Variants in KPNA6 observed in about 807,000 individuals in gnomAD.
KPNA6 encodes the protein importin subunit alpha-7.
A neutral mutation model predicts 72.0 loss-of-function variants in KPNA6; 9 were observed. The ratio of observed to expected loss-of-function variants is 0.13; its 90% confidence interval spans 0.08 to 0.22. The LOEUF is 0.22. KPNA6 is among the 10% of genes least tolerant of loss of function. The pLI, the probability that KPNA6 is intolerant of heterozygous loss-of-function variation, is 1.00. For missense variants in KPNA6, 374 were observed against 655.7 expected (o/e 0.57, Z 4.69); for synonymous variants, 219 against 242.1 (o/e 0.90, Z 0.89).
intron 6 of KPNA6, among the ~76,000 whole-genome samples, chr1:32,159,928 AT>A (rs1336176864): frequency 6.6e-6 from 1 of 152,232 alleles, no homozygotes; most frequent in African/African-American, 2.4e-5. Context: ...CATTTCTCCC[AT>A]TGAATTCTTA....
intron 1 of KPNA6, among the ~76,000 whole-genome samples, chr1:32,116,587 G>A (rs1270625599): frequency 6.6e-6 from 1 of 152,124 alleles, no homozygotes; most frequent in South Asian, 2.1e-4. Flanking sequence ...GAACCCAGGA[G>A]GTGGAGGTTT....
At chr1:32,117,665 G>C (rs138863540) in intron 1 of KPNA6, among the ~76,000 whole-genome samples, 1 of 151,936 alleles carries the variant, frequency 6.6e-6, no homozygotes, top group Non-Finnish European at 1.5e-5. Flanking sequence ...ACACAGTATC[G>C]GTGAATCACA....
chr1:32,155,102 C>T (rs1642112443), intron 2 of KPNA6, among the ~76,000 whole-genome samples: 1 of 88,442 alleles, frequency 1.1e-5, no homozygotes, highest in Non-Finnish European at 2.1e-5. Context: ...AAGAGTGAAA[C>T]TCCATCTCAA....
chr1:32,117,623 C>T (rs964282263), intron 1 of KPNA6, among the ~76,000 whole-genome samples: 1 of 152,104 alleles, frequency 6.6e-6, no homozygotes, highest in South Asian at 2.1e-4. Flanking sequence ...GACCCTGTCT[C>T]AAGACAAAAA....
chr1:32,120,467 C>G (rs1238060727), intron 1 of KPNA6, among the ~76,000 whole-genome samples: 1 of 148,150 alleles, frequency 6.7e-6, no homozygotes, highest in Non-Finnish European at 1.5e-5. Flanking sequence ...AGGCTGGTCT[C>G]GAACTCCTGA....
intron 1 of KPNA6, chr1:32,142,927 C>G: frequency 7.8e-7 from 1 of 1,287,264 alleles, no homozygotes. Flanking sequence ...TAAAGAAGCT[C>G]AGCATGGCTC....
rs1002396488 is a variant in KPNA6, at chr1:32,174,164, C to A, written c.*3270C>A. On this transcript the variant is annotated 3_prime_UTR_variant, in exon 14 of 14. Coordinates refer to ENST00000373625, the MANE Select transcript of KPNA6 (RefSeq NM_012316.5). ...ACATGGGTCAGGGAATACAAATGGC[C>A]CCCCCCCAGGGAGCAGGTGTTGGCC... The A allele has an allele frequency of 2.0e-5, 3 of 149,906 alleles. No homozygotes were observed. The highest frequency in any genetic ancestry group is 1.9e-4 in the East Asian group (1 of 5,190). The allele number at this position is 149,906 out of a possible 1,614,324, so 9.3% of individuals were successfully genotyped here. A position where few individuals can be genotyped will look rare whatever the true frequency, so the allele number is the denominator to read the frequency against.
chr1:32,120,206 C>T (rs1226061290), intron 1 of KPNA6, among the ~76,000 whole-genome samples: 1 of 151,384 alleles, frequency 6.6e-6, no homozygotes, highest in African/African-American at 2.4e-5. Context: ...ATTACGTAGT[C>T]TCTGTATTTT....
rs1042645490 is a variant in KPNA6, at chr1:32,175,838, C to T, written c.*4944C>T. The T allele has an allele frequency of 2.0e-5, 3 of 151,218 alleles. No individual in the cohort carries two copies. The highest frequency in any genetic ancestry group is 7.3e-5 in the African/African-American group (3 of 41,030). The allele number at this position is 151,218 out of a possible 1,614,324, so 9.4% of individuals were successfully genotyped here. ...TTCAGCTGGGCGCGGTGGCTCATGCCTGTAATCCTAGCACTTTGGGAGGCT... is the reference window on the plus strand; with the variant it reads ...TTCAGCTGGGCGCGGTGGCTCATGCTTGTAATCCTAGCACTTTGGGAGGCT... On this transcript the variant is annotated 3_prime_UTR_variant, in exon 14 of 14. Coordinates refer to ENST00000373625, the MANE Select transcript of KPNA6 (RefSeq NM_012316.5).
chr1:32,136,550 G>A (rs1311209880), intron 1 of KPNA6, among the ~76,000 whole-genome samples: 1 of 152,124 alleles, frequency 6.6e-6, no homozygotes, highest in Non-Finnish European at 1.5e-5. Flanking sequence ...CATTCACAAT[G>A]ATGGAAACCT....
intron 1 of KPNA6, among the ~76,000 whole-genome samples, chr1:32,114,451 A>ATATATATATATAT (rs1553125090): frequency 2.1e-5 from 3 of 145,524 alleles, no homozygotes; most frequent in African/African-American, 7.6e-5. Context: ...CAAAAAAAAA[A>ATATATATATATAT]ATATATATAT....
intron 1 of KPNA6, among the ~76,000 whole-genome samples, chr1:32,115,847 G>T (rs756189926): frequency 1.3e-5 from 2 of 151,824 alleles, no homozygotes; most frequent in Non-Finnish European, 2.9e-5. Context: ...AGATTCAAGC[G>T]ATTCTCCTGC....
chr1:32,118,344 C>CT (rs201054117), intron 1 of KPNA6, among the ~76,000 whole-genome samples: 47 of 143,976 alleles, frequency 3.3e-4, no homozygotes, highest in Middle Eastern at 3.8e-3. Context: ...TTTGTTCTTA[C>CT]TTTTTTTTTT....
intron 1 of KPNA6, among the ~76,000 whole-genome samples, chr1:32,143,494 A>G (rs1386424103): frequency 6.6e-6 from 1 of 151,580 alleles, no homozygotes; most frequent in Non-Finnish European, 1.5e-5. Flanking sequence ...AATCACTTGA[A>G]TCTGGGAGGT....
chr1:32,135,345 G>A (rs1019165995), intron 1 of KPNA6, among the ~76,000 whole-genome samples: 2 of 152,134 alleles, frequency 1.3e-5, no homozygotes, highest in African/African-American at 4.8e-5. Flanking sequence ...GGGATTACAT[G>A]TGTGAGCCAC....
intron 1 of KPNA6, among the ~76,000 whole-genome samples, chr1:32,111,074 C>G (rs1641237459): frequency 6.6e-6 from 1 of 151,904 alleles, no homozygotes; most frequent in African/African-American, 2.4e-5. Flanking sequence ...CTTCATCTTT[C>G]AGTGAAAAAA....
chr1:32,128,426 T>TATATATATATATATATATATATATAC (rs1491304508), intron 1 of KPNA6, among the ~76,000 whole-genome samples: 1 of 99,188 alleles, frequency 1.0e-5, no homozygotes, highest in Non-Finnish European at 1.9e-5. Context: ...TATATATATA[T>TATATATATATATATATATATATATAC]ACACACACAC....
intron 10 of KPNA6, among the ~76,000 whole-genome samples, chr1:32,165,005 C>G (rs1227710308): frequency 6.6e-6 from 1 of 152,110 alleles, no homozygotes; most frequent in Non-Finnish European, 1.5e-5. Flanking sequence ...TCAAAGCAGT[C>G]CTTCCACCTC....
chr1:32,126,509 C>A (rs1641538672), intron 1 of KPNA6, among the ~76,000 whole-genome samples: 1 of 151,966 alleles, frequency 6.6e-6, no homozygotes, highest in African/African-American at 2.4e-5. Flanking sequence ...CGCAGCCTCC[C>A]AAGTAGCTGG....
Sources: gnomAD v4.1 joint callset for allele counts (sites outside exome capture counted in the v4.1 genomes callset) on GRCh38, gnomAD v4.1.1 for gene constraint, MANE v1.5 for transcripts, NCBI Gene and HGNC (gene_info 2026-07-23, HGNC 2026-07-21) for gene names.